ST7: variants seen among roughly 807,000 people sequenced by gnomAD.
ST7 encodes the protein suppression of tumorigenicity 7.
Under a neutral mutation model 78.7 loss-of-function variants are expected in ST7, and 28 were observed. The ratio of observed to expected loss-of-function variants is 0.36; its 90% CI spans 0.26 to 0.49. ST7 has a LOEUF of 0.49. Among genes scored for constraint, ST7 ranks in the 20% least tolerant of loss-of-function variants. ST7 has a pLI of 0.99. For synonymous variants in ST7, 247 were observed against 249.6 expected (o/e 0.99, Z 0.10); for missense variants, 418 against 696.0 (o/e 0.60, Z 4.49).
At chr7:117,018,492 T>C (rs1274045429) in intron 1 of ST7, among the ~76,000 whole-genome samples, 2 of 152,220 alleles carry the variant, frequency 1.3e-5, no homozygotes, top group Non-Finnish European at 2.9e-5. Flanking sequence ...CGATTTTTTT[T>C]CTTCATGTTT....
At chr7:117,166,011 T>C (rs1584502418) in intron 9 of ST7, among the ~76,000 whole-genome samples, 1 of 152,088 alleles carries the variant, frequency 6.6e-6, no homozygotes, top group African/African-American at 2.4e-5. Context: ...CTGAATTCAG[T>C]GAGAAGCCAG....
Position 117,196,514 on chromosome 7 carries a change from G to A in ST7, c.1254+5578G>A, listed in dbSNP as rs144915824. ...TTGATTTGCATTTCTCTGCTTGTTAGTGATGTTGAGCATCTTTTCATATAC... is the reference window on the plus strand; with the variant it reads ...TTGATTTGCATTTCTCTGCTTGTTAATGATGTTGAGCATCTTTTCATATAC... On this transcript the variant is annotated intron_variant, in intron 12 of 15. Transcript: ENST00000323984. Among the ~76,000 whole-genome samples, 665 of 151,378 alleles carry A rather than the reference G, an allele frequency of 4.4e-3. 6 individuals carry two copies. Among genetic ancestry groups the A allele is most frequent in the African/African-American group, 0.015 (629 of 41,268 alleles).
At chr7:116,981,396 C>G (rs1000560757) in intron 1 of ST7, among the ~76,000 whole-genome samples, 51 of 152,290 alleles carry the variant, frequency 3.3e-4, no homozygotes, top group African/African-American at 1.2e-3. Flanking sequence ...AGGTATGAAC[C>G]ACTGCACCTG....
At chr7:116,957,280 G>A (rs902597391) in intron 1 of ST7, among the ~76,000 whole-genome samples, 2 of 151,892 alleles carry the variant, frequency 1.3e-5, no homozygotes, top group African/African-American at 4.8e-5. Flanking sequence ...ATCACATCTT[G>A]TAATGAAAAT....
chr7:117,222,172 A>C (rs1793141379), intron 15 of ST7, 110 bp downstream of exon 15: 7 of 1,226,248 alleles, frequency 5.7e-6, no homozygotes, highest in Non-Finnish European at 7.7e-6. Context: ...ACGAGCCTGC[A>C]AAGATCATTG....
chr7:117,206,672 C>CA (rs1317124784), intron 12 of ST7, among the ~76,000 whole-genome samples: 1 of 152,098 alleles, frequency 6.6e-6, no homozygotes, highest in Non-Finnish European at 1.5e-5. Context: ...CTCTGGTGGC[C>CA]AACAATGCTT....
At chr7:117,055,939 TG>T (rs765827266) in intron 1 of ST7, among the ~76,000 whole-genome samples, 113 of 152,306 alleles carry the variant, frequency 7.4e-4, no homozygotes, top group Middle Eastern at 6.8e-3. Flanking sequence ...ACAGCCAGTC[TG>T]AGTCTCAATA....
intron 3 of ST7, among the ~76,000 whole-genome samples, chr7:117,126,077 C>T (rs1275628647): frequency 6.6e-6 from 1 of 151,872 alleles, no homozygotes; most frequent in Non-Finnish European, 1.5e-5. Context: ...AGAAAGGATC[C>T]ATGAAAATCA....
At chr7:117,137,658 A>G (rs1804901348) in intron 8 of ST7, among the ~76,000 whole-genome samples, 1 of 152,186 alleles carries the variant, frequency 6.6e-6, no homozygotes, top group Non-Finnish European at 1.5e-5. Flanking sequence ...TAATAGCTGC[A>G]TATTATACAT....
chr7:116,991,006 C>G (rs1184512380), intron 1 of ST7, among the ~76,000 whole-genome samples: 1 of 152,194 alleles, frequency 6.6e-6, no homozygotes, highest in Admixed American at 6.5e-5. Flanking sequence ...GAGAGGCCTT[C>G]CATATGCCCC....
At chr7:117,104,396 C>T (rs1801797006) in intron 2 of ST7, among the ~76,000 whole-genome samples, 1 of 152,144 alleles carries the variant, frequency 6.6e-6, no homozygotes, top group Admixed American at 6.5e-5. Context: ...GCTGAGATGG[C>T]ACCACTGCAC....
intron 8 of ST7, 46 bp from the exon 9 acceptor site, chr7:117,138,389 A>ATTT (rs753380207): frequency 1.2e-5 from 13 of 1,116,470 alleles, no homozygotes; most frequent in South Asian, 1.1e-4. Flanking sequence ...GGGCCTCTGT[A>ATTT]TTTTTTTTTT....
intron 8 of ST7, chr7:117,136,508 T>C (rs2117053830): frequency 1.8e-6 from 1 of 565,998 alleles, no homozygotes; most frequent in East Asian, 2.9e-5. Flanking sequence ...AGTAACCTTT[T>C]TTCCTCCTGA....
chr7:117,057,078 T>C (rs1798100961), intron 1 of ST7, among the ~76,000 whole-genome samples: 1 of 152,174 alleles, frequency 6.6e-6, no homozygotes, highest in Non-Finnish European at 1.5e-5. Flanking sequence ...AGATTTAGTT[T>C]TCATTGAGTC....
intron 13 of ST7, among the ~76,000 whole-genome samples, chr7:117,214,207 C>T (rs1374170471): frequency 6.6e-6 from 1 of 152,126 alleles, no homozygotes; most frequent in Non-Finnish European, 1.5e-5. Context: ...GCTAGTCTGC[C>T]ATGGGGTAAA....
At chr7:117,125,447 A>G (rs1381656106) in intron 3 of ST7, among the ~76,000 whole-genome samples, 4 of 152,122 alleles carry the variant, frequency 2.6e-5, no homozygotes, top group Admixed American at 6.6e-5. Context: ...TGAGATAGTA[A>G]CATATTTGTT....
intron 10 of ST7, among the ~76,000 whole-genome samples, chr7:117,186,906 A>G (rs879810770): frequency 3.3e-5 from 5 of 152,222 alleles, no homozygotes; most frequent in African/African-American, 1.2e-4. Context: ...ATTGATGATT[A>G]TTTCCTAGGA....
chr7:117,020,654 T>C (rs930380501), intron 1 of ST7: 26 of 1,550,828 alleles, frequency 1.7e-5, no homozygotes, highest in Non-Finnish European at 2.3e-5. Context: ...CCCACTTCTC[T>C]GCTATTTAGA....
At chr7:117,025,365 T>C (rs1460624206) in intron 1 of ST7, among the ~76,000 whole-genome samples, 2 of 152,238 alleles carry the variant, frequency 1.3e-5, no homozygotes, top group Non-Finnish European at 2.9e-5. Flanking sequence ...GGCATTTTAG[T>C]ACTCTATTTG....
Sources: gnomAD v4.1 joint callset for allele counts (sites outside exome capture counted in the v4.1 genomes callset) on GRCh38, gnomAD v4.1.1 for gene constraint, MANE v1.5 for transcripts, NCBI Gene and HGNC (gene_info 2026-07-23, HGNC 2026-07-21) for gene names.